The following PRKAR1B variants were observed in gnomAD, a reference collection of about 807,000 sequenced individuals.
The protein encoded by PRKAR1B is protein kinase cAMP-dependent type I regulatory subunit beta, also known as cAMP-dependent protein kinase type I-beta regulatory subunit.
A neutral mutation model predicts 46.5 loss-of-function variants in PRKAR1B; 22 were observed. The observed-to-expected ratio is 0.47, with a 90% CI of 0.34 to 0.68. PRKAR1B has a LOEUF of 0.68. PRKAR1B is among the 30% of genes least tolerant of loss of function. The pLI is 0.01. For synonymous variants in PRKAR1B, 259 were observed against 217.7 expected, an observed-to-expected ratio of 1.19 and a Z score of -1.67; for missense variants, 445 against 535.6, an observed-to-expected ratio of 0.83 and a Z score of 1.67.
At chr7:695,470 A>T (rs1779679015) in intron 2 of PRKAR1B, among the ~76,000 whole-genome samples, 1 of 152,064 alleles carries the variant, frequency 6.6e-6, no homozygotes, top group African/African-American at 2.4e-5. Context: ...CCAAGCCTAG[A>T]CTTGTGAAGC....
intron 7 of PRKAR1B, among the ~76,000 whole-genome samples, 154 bp from the exon 8 acceptor site, chr7:584,722 G>A (rs550907940): frequency 6.6e-4 from 101 of 152,304 alleles, no homozygotes; most frequent in Non-Finnish European, 1.2e-3. Context: ...CGGAGTCTGC[G>A]TGAGCTGCCA....
chr7:656,303 C>A (rs1480857186), intron 4 of PRKAR1B, among the ~76,000 whole-genome samples: 1 of 151,158 alleles, frequency 6.6e-6, no homozygotes, highest in African/African-American at 2.4e-5. Context: ...GATACATGAG[C>A]TAATGAATGA....
At chr7:692,136 A>T (rs905142252) in intron 2 of PRKAR1B, among the ~76,000 whole-genome samples, 2 of 152,236 alleles carry the variant, frequency 1.3e-5, no homozygotes, top group African/African-American at 4.8e-5. Flanking sequence ...ATGGTGGCTC[A>T]TGCCTGTCAT....
chr7:559,240 G>A (rs1377750753), intron 9 of PRKAR1B, among the ~76,000 whole-genome samples: 1 of 152,196 alleles, frequency 6.6e-6, no homozygotes, highest in East Asian at 1.9e-4. Context: ...CAGTTCAGGG[G>A]GCGGCCAGTG....
chr7:682,915 A>G (rs1041082770), intron 2 of PRKAR1B, among the ~76,000 whole-genome samples: 2 of 152,104 alleles, frequency 1.3e-5, no homozygotes, highest in Non-Finnish European at 2.9e-5. Context: ...CACACAGATC[A>G]GGCACACAAG....
chr7:642,835 G>A (rs968546700), intron 4 of PRKAR1B, among the ~76,000 whole-genome samples: 2 of 151,454 alleles, frequency 1.3e-5, no homozygotes, highest in African/African-American at 4.9e-5. Flanking sequence ...CAGCACACTC[G>A]GTTCACCACA....
intron 9 of PRKAR1B, among the ~76,000 whole-genome samples, chr7:566,569 TCACCATTAC>T (rs1219360192): frequency 3.2e-5 from 4 of 123,978 alleles, no homozygotes; most frequent in Non-Finnish European, 7.1e-5. Flanking sequence ...CACCTTCACA[TCACCATTAC>T]CACCATTACC....
chr7:606,283 A>G, intron 5 of PRKAR1B, 44 bp from the exon 6 acceptor site: 1 of 1,588,934 alleles, frequency 6.3e-7, no homozygotes, highest in African/African-American at 1.3e-5. Flanking sequence ...GTACATCCAG[A>G]CATACAAGTT....
intron 1 of PRKAR1B, among the ~76,000 whole-genome samples, chr7:722,485 C>T (rs1483524558): frequency 6.6e-6 from 1 of 151,628 alleles, no homozygotes; most frequent in East Asian, 1.9e-4. Flanking sequence ...GATCTGCCTG[C>T]CTTGGCCTCA....
intron 9 of PRKAR1B, among the ~76,000 whole-genome samples, chr7:553,565 C>G (rs1784382050): frequency 6.6e-6 from 1 of 152,242 alleles, no homozygotes; most frequent in South Asian, 2.1e-4. Context: ...ATCACGTCCC[C>G]ACAGCCCCAG....
At chr7:657,108 CATGG>C (rs1347168300) in intron 4 of PRKAR1B, among the ~76,000 whole-genome samples, 6 of 137,166 alleles carry the variant, frequency 4.4e-5, no homozygotes, top group African/African-American at 1.7e-4. Flanking sequence ...TGAGTGAATG[CATGG>C]ATGGATGGAT....
chr7:578,109 G>C (rs926922925), intron 9 of PRKAR1B, among the ~76,000 whole-genome samples: 2 of 152,208 alleles, frequency 1.3e-5, no homozygotes, highest in African/African-American at 4.8e-5. Context: ...CTTACGGAGA[G>C]TGGCTTGCAC....
intron 4 of PRKAR1B, among the ~76,000 whole-genome samples, chr7:610,332 C>T (rs1184368319): frequency 6.6e-6 from 1 of 152,172 alleles, no homozygotes; most frequent in Non-Finnish European, 1.5e-5. Context: ...CAATGAAAGC[C>T]GACTTTCCAC....
intron 8 of PRKAR1B, among the ~76,000 whole-genome samples, chr7:582,293 C>A (rs1304264343): frequency 6.6e-6 from 1 of 152,232 alleles, no homozygotes; most frequent in Non-Finnish European, 1.5e-5. Flanking sequence ...AAGCGGGGTC[C>A]CAGGAGCATC....
chr7:589,827 C>T (rs923912928), intron 7 of PRKAR1B, among the ~76,000 whole-genome samples: 3 of 152,226 alleles, frequency 2.0e-5, no homozygotes, highest in African/African-American at 7.2e-5. Context: ...TCACGTGAGA[C>T]TGGAGAAGGG....
At chr7:685,282 ATATATATGTATACATATATATATACG>A (rs1406494638) in intron 2 of PRKAR1B, among the ~76,000 whole-genome samples, 216 of 14,146 alleles carry the variant, frequency 0.015, 34 homozygotes, top group Middle Eastern at 0.059. Flanking sequence ...ATATATACGT[ATATATATGTATACATATATATATACG>A]TATATATACG....
At chr7:579,019 C>T in intron 9 of PRKAR1B, 2 of 985,326 alleles carry the variant, frequency 2.0e-6, no homozygotes, top group Non-Finnish European at 2.4e-6. Context: ...AGCTCAGGCA[C>T]CAGCCACCTA....
At chr7:662,536 C>T (rs1785659746) in intron 4 of PRKAR1B, among the ~76,000 whole-genome samples, 1 of 149,474 alleles carries the variant, frequency 6.7e-6, no homozygotes, top group Admixed American at 6.6e-5. Flanking sequence ...ACCTACTCTC[C>T]ACCCAGTGGC....
intron 4 of PRKAR1B, among the ~76,000 whole-genome samples, chr7:628,460 T>C (rs1290798749): frequency 1.3e-5 from 2 of 152,242 alleles, no homozygotes; most frequent in African/African-American, 2.4e-5. Flanking sequence ...AAGGATTTCA[T>C]TCCTGGAGGA....
Sources: gnomAD v4.1 joint callset for allele counts (sites outside exome capture counted in the v4.1 genomes callset) on GRCh38, gnomAD v4.1.1 for gene constraint, MANE v1.5 for transcripts, NCBI Gene and HGNC (gene_info 2026-07-23, HGNC 2026-07-21) for gene names.